The following NTRK2 variants were observed in gnomAD, a reference collection of about 807,000 sequenced individuals.
NTRK2 encodes the protein neurotrophic receptor tyrosine kinase 2, also known as BDNF/NT-3 growth factors receptor.
NTRK2 carries 13 observed loss-of-function variants against 94.5 expected under a neutral mutation model. The observed-to-expected ratio is 0.14, with a 90% CI of 0.09 to 0.22. NTRK2 has a LOEUF of 0.22. Ranked by LOEUF, NTRK2 falls within the 10% of genes least tolerant of loss-of-function variation. NTRK2 has a pLI of 1.00. For missense variants in NTRK2, 639 were observed against 1,071.2 expected (o/e 0.60, Z 5.63); for synonymous variants, 372 against 407.4 (o/e 0.91, Z 1.05).
intron 17 of NTRK2, among the ~76,000 whole-genome samples, chr9:85,005,015 G>C (rs1244661405): frequency 6.6e-6 from 1 of 152,144 alleles, no homozygotes; most frequent in African/African-American, 2.4e-5. Context: ...GTAATAATAG[G>C]ATCCCTCTGC....
intron 2 of NTRK2, among the ~76,000 whole-genome samples, chr9:84,695,759 A>AAT (rs2060338631): frequency 1.3e-5 from 2 of 152,180 alleles, no homozygotes; most frequent in Non-Finnish European, 2.9e-5. Context: ...TATATAAACA[A>AAT]ATATATATTT....
intron 12 of NTRK2, among the ~76,000 whole-genome samples, chr9:84,777,941 G>A (rs868115218): frequency 2.0e-5 from 3 of 152,146 alleles, no homozygotes; most frequent in Admixed American, 6.6e-5. Flanking sequence ...TTTGAAGTTC[G>A]TTTCAACAGT....
chr9:84,696,673 C>T (rs146402522), intron 2 of NTRK2, among the ~76,000 whole-genome samples: 93 of 152,290 alleles, frequency 6.1e-4, no homozygotes, highest in African/African-American at 2.2e-3. Flanking sequence ...CCTCCCATTG[C>T]TCTAATTCTT....
At chr9:84,945,901 C>G (rs551678293) in intron 15 of NTRK2, among the ~76,000 whole-genome samples, 2 of 152,072 alleles carry the variant, frequency 1.3e-5, no homozygotes, top group African/African-American at 4.8e-5. Flanking sequence ...GTATTGATCC[C>G]GAGAGCGTGC....
chr9:84,829,820 T>C (rs1359096847), intron 12 of NTRK2, among the ~76,000 whole-genome samples: 1 of 152,252 alleles, frequency 6.6e-6, no homozygotes, highest in Admixed American at 6.5e-5. Flanking sequence ...TCTTTTTCTT[T>C]TGTATTGAGA....
intron 14 of NTRK2, among the ~76,000 whole-genome samples, chr9:84,898,675 G>GC (rs1347447380): frequency 6.6e-6 from 1 of 151,360 alleles, no homozygotes; most frequent in East Asian, 1.9e-4. Context: ...ACCCTTCTGA[G>GC]CCCCCATTTT....
intron 12 of NTRK2, chr9:84,815,424 A>G (rs1587471323): frequency 1.9e-6 from 2 of 1,044,106 alleles, no homozygotes; most frequent in Non-Finnish European, 2.3e-6. Flanking sequence ...GTAACAAGAG[A>G]TTCCTAAGAA....
intron 17 of NTRK2, among the ~76,000 whole-genome samples, chr9:85,005,454 CTG>C (rs1830852245): frequency 6.6e-6 from 1 of 152,172 alleles, no homozygotes; most frequent in African/African-American, 2.4e-5. Flanking sequence ...AGGCCACAGA[CTG>C]TGTGTATTTG....
At chr9:84,884,548 A>G (rs959154803) in intron 14 of NTRK2, among the ~76,000 whole-genome samples, 1 of 152,196 alleles carries the variant, frequency 6.6e-6, no homozygotes, top group African/African-American at 2.4e-5. Flanking sequence ...CTAATTATAC[A>G]CATTTACTGA....
chr9:84,874,933 C>T, intron 14 of NTRK2: 2 of 1,055,770 alleles, frequency 1.9e-6, no homozygotes, highest in Non-Finnish European at 2.3e-6. Flanking sequence ...ATAGGATTGT[C>T]TTCCTCACCC....
chr9:85,005,952 A>T (rs1830914823), intron 17 of NTRK2, among the ~76,000 whole-genome samples: 2 of 152,126 alleles, frequency 1.3e-5, no homozygotes, highest in African/African-American at 4.8e-5. Flanking sequence ...TGACCTTTGT[A>T]TCCCACTAAA....
At chr9:84,745,691 T>G (rs1389622672) in intron 11 of NTRK2, among the ~76,000 whole-genome samples, 1 of 152,144 alleles carries the variant, frequency 6.6e-6, no homozygotes, top group Non-Finnish European at 1.5e-5. Flanking sequence ...GGTTGGGATT[T>G]TGACATACAG....
intron 13 of NTRK2, among the ~76,000 whole-genome samples, chr9:84,865,328 C>G (rs1354844588): frequency 6.6e-6 from 1 of 152,116 alleles, no homozygotes; most frequent in South Asian, 2.1e-4. Context: ...AATGCACATC[C>G]CCTTGAGAGA....
intron 14 of NTRK2, among the ~76,000 whole-genome samples, chr9:84,916,161 T>C (rs190523549): frequency 1.5e-4 from 22 of 151,704 alleles, no homozygotes; most frequent in Non-Finnish European, 8.8e-5. Context: ...GCAACAGAAG[T>C]AGTTTAGCAA....
At chr9:84,715,282 T>C (rs1026956979) in intron 6 of NTRK2, among the ~76,000 whole-genome samples, 6 of 152,220 alleles carry the variant, frequency 3.9e-5, no homozygotes, top group Admixed American at 3.3e-4. Flanking sequence ...TTCTATAGTT[T>C]AGTATTTTTT....
chr9:84,776,530 A>G (rs34995551), intron 12 of NTRK2, among the ~76,000 whole-genome samples: 7,401 of 152,216 alleles, frequency 0.049, 231 homozygotes, highest in African/African-American at 0.071. Flanking sequence ...CCTGTTTCTT[A>G]AAAGCTTTAT....
At chr9:84,748,534 G>A (rs545579018) in intron 11 of NTRK2, among the ~76,000 whole-genome samples, 2 of 152,316 alleles carry the variant, frequency 1.3e-5, no homozygotes, top group African/African-American at 4.8e-5. Flanking sequence ...ACTGGTAAAA[G>A]CAAGGTGTCC....
chr9:84,914,348 T>G (rs1049521689), intron 14 of NTRK2, among the ~76,000 whole-genome samples: 1 of 152,260 alleles, frequency 6.6e-6, no homozygotes, highest in Non-Finnish European at 1.5e-5. Flanking sequence ...ATTGTTCTTT[T>G]TAAACTTCAG....
chr9:84,824,726 C>G (rs1397110459), intron 12 of NTRK2, among the ~76,000 whole-genome samples: 1 of 152,210 alleles, frequency 6.6e-6, no homozygotes, highest in Non-Finnish European at 1.5e-5. Context: ...ATGAGACACA[C>G]TTGTCCGCTG....
Sources: gnomAD v4.1 joint callset for allele counts (sites outside exome capture counted in the v4.1 genomes callset) on GRCh38, gnomAD v4.1.1 for gene constraint, MANE v1.5 for transcripts, NCBI Gene and HGNC (gene_info 2026-07-23, HGNC 2026-07-21) for gene names.